The following CDK14 variants were observed in gnomAD, a reference collection of about 807,000 sequenced individuals.
CDK14 encodes the protein cyclin dependent kinase 14.
A neutral mutation model predicts 60.7 loss-of-function variants in CDK14; 34 were observed. That is an observed-to-expected ratio of 0.56 (90% CI 0.43 to 0.75). The LOEUF (loss-of-function observed/expected upper bound fraction) is 0.75. Among genes scored for constraint, CDK14 ranks in the 30% least tolerant of loss-of-function variants. CDK14 has a pLI of 0.00. For synonymous variants in CDK14, 197 were observed against 203.7 expected (o/e 0.97, Z 0.28); for missense variants, 482 against 564.1 (o/e 0.85, Z 1.47).
chr7:91,100,869 T>G (rs1799129854), intron 12 of CDK14, among the ~76,000 whole-genome samples: 1 of 152,216 alleles, frequency 6.6e-6, no homozygotes, highest in Admixed American at 6.5e-5. Context: ...TTCAAAAACT[T>G]GATTCATTTC....
Position 91,186,199 on chromosome 7 carries a change from TCCCC to T in CDK14, c.*29-20965_*29-20962del, listed in dbSNP as rs1421046890. Among the ~76,000 whole-genome samples, 4 of 4,402 alleles carry T rather than the reference TCCCC, an allele frequency of 9.1e-4. 1 individual carries two copies. The highest frequency in any genetic ancestry group is 1.4e-3 in the Non-Finnish European group (3 of 2,146). 2.9% of individuals were successfully genotyped at this position (4,402 alleles called of 152,430 possible). A position where few individuals can be genotyped will look rare whatever the true frequency, so the allele number is the denominator to read the frequency against. Reference sequence around the variant, plus strand: ...TCCCCTCCCCTCTCCTCTCCTCCCCTCCCCTCTCCTCTCCTCCCCTCCCCTCTCC... The same window carrying T: ...TCCCCTCCCCTCTCCTCTCCTCCCCTTCTCCTCTCCTCCCCTCCCCTCTCC... On this transcript the variant is annotated intron_variant, in intron 14 of 14. Coordinates refer to ENST00000380050, the MANE Select transcript of CDK14 (RefSeq NM_001287135.2).
In CDK14 at chr7:91,185,245, T is replaced by C. The variant is rs1044194185; in HGVS notation, c.*29-21920T>C. On this transcript the variant is annotated intron_variant, in intron 14 of 14. Transcript: ENST00000380050. ...TATTTAGAAAACTGTTGCCCTTCCC[T>C]TGGCCTTTCTCTATCCAATTCTACT... Among the ~76,000 whole-genome samples the C allele has an allele frequency of 2.0e-5, 3 of 151,660 alleles. No homozygotes were observed. The Admixed American group carries it at 2.0e-4, about 10-fold the overall frequency.
At chr7:90,791,840 G>A (rs1805843002) in intron 5 of CDK14, among the ~76,000 whole-genome samples, 2 of 151,514 alleles carry the variant, frequency 1.3e-5, no homozygotes, top group Admixed American at 1.3e-4. Context: ...CAAGTAGGTA[G>A]GTTTTTCTCT....
intron 11 of CDK14, among the ~76,000 whole-genome samples, chr7:91,074,965 C>T (rs911541661): frequency 6.6e-6 from 1 of 152,136 alleles, no homozygotes; most frequent in Non-Finnish European, 1.5e-5. Context: ...TCTGAATAGA[C>T]CAATAACAAG....
At chr7:90,866,342 G>A (rs960856522) in intron 6 of CDK14, among the ~76,000 whole-genome samples, 6 of 151,342 alleles carry the variant, frequency 4.0e-5, no homozygotes, top group South Asian at 2.1e-4. Flanking sequence ...TAATGATAAT[G>A]TTGCTGTATT....
intron 14 of CDK14, 42 bp from the exon 15 acceptor site, chr7:91,207,123 G>A (rs891181173): frequency 6.6e-6 from 1 of 152,014 alleles, no homozygotes; most frequent in African/African-American, 2.4e-5. Context: ...AATGAATGGT[G>A]TAGATTTTTT....
chr7:91,166,752 C>T lies in CDK14; in HGVS notation c.*29-40413C>T, dbSNP rs190427088. 3.9e-5 allele frequency among the ~76,000 whole-genome samples: 6 copies of T among 152,278 alleles called. No individual in the cohort carries two copies. In the East Asian group the frequency reaches 1.2e-3, roughly 29 times the overall value. On this transcript the variant is annotated intron_variant, in intron 14 of 14. Transcript: ENST00000380050. ...GTCATTCAGAGAATATACAACAGTT[C>T]TTCTGACTAGTCCCAACAACACAAC...
At chr7:90,813,850 C>G (rs1411028053) in intron 5 of CDK14, among the ~76,000 whole-genome samples, 2 of 152,074 alleles carry the variant, frequency 1.3e-5, no homozygotes, top group African/African-American at 4.8e-5. Context: ...TTGCAGAACT[C>G]TGTGTAGTTA....
chr7:90,890,011 G>A (rs1293246075), intron 6 of CDK14, among the ~76,000 whole-genome samples: 3 of 152,162 alleles, frequency 2.0e-5, no homozygotes, highest in Admixed American at 6.5e-5. Flanking sequence ...TTTTAATATA[G>A]CATTAAACCT....
intron 14 of CDK14, among the ~76,000 whole-genome samples, chr7:91,134,543 A>G (rs1800212917): frequency 6.6e-6 from 1 of 152,148 alleles, no homozygotes; most frequent in Non-Finnish European, 1.5e-5. Context: ...TGTAGTGCAG[A>G]GTGCAAATAA....
intron 14 of CDK14, among the ~76,000 whole-genome samples, chr7:91,175,487 T>G (rs1196891197): frequency 8.5e-5 from 13 of 152,058 alleles, no homozygotes; most frequent in African/African-American, 2.7e-4. Context: ...ATGGACTAAA[T>G]GCTCCAATTG....
intron 10 of CDK14, among the ~76,000 whole-genome samples, chr7:91,043,668 G>A (rs1434740996): frequency 6.6e-6 from 1 of 152,032 alleles, no homozygotes; most frequent in Non-Finnish European, 1.5e-5. Flanking sequence ...CTTCCCCTTC[G>A]TCATCCAGCC....
intron 5 of CDK14, among the ~76,000 whole-genome samples, chr7:90,842,706 T>G: frequency 6.6e-6 from 1 of 152,158 alleles, no homozygotes; most frequent in East Asian, 1.9e-4. Context: ...AAATAGCATC[T>G]TATAAGAAAA....
intron 8 of CDK14, among the ~76,000 whole-genome samples, chr7:90,954,432 T>C (rs1347193166): frequency 1.3e-5 from 2 of 152,092 alleles, no homozygotes; most frequent in Admixed American, 1.3e-4. Context: ...GATAGAAAGC[T>C]GTCACACAGG....
chr7:90,734,923 G>A (rs557338143), intron 3 of CDK14, among the ~76,000 whole-genome samples: 18 of 152,198 alleles, frequency 1.2e-4, no homozygotes, highest in Admixed American at 6.5e-4. Context: ...GCCTTTTTGC[G>A]CTGGTTTCTC....
At chr7:90,948,559 C>T (rs1055297691) in intron 8 of CDK14, among the ~76,000 whole-genome samples, 3 of 152,184 alleles carry the variant, frequency 2.0e-5, no homozygotes, top group Non-Finnish European at 4.4e-5. Context: ...CAAACTTTTT[C>T]TTACAGGGCC....
intron 14 of CDK14, among the ~76,000 whole-genome samples, chr7:91,146,288 A>G (rs1257057931): frequency 6.6e-6 from 1 of 152,018 alleles, no homozygotes; most frequent in Non-Finnish European, 1.5e-5. Context: ...GCAACCTCCA[A>G]CTCCCAGGTT....
chr7:90,760,319 A>C (rs1394050357), intron 4 of CDK14, among the ~76,000 whole-genome samples: 1 of 152,220 alleles, frequency 6.6e-6, no homozygotes, highest in Non-Finnish European at 1.5e-5. Context: ...TACTGCTTGC[A>C]CTAAAGGTCA....
chr7:90,797,115 CAATT>C (rs1171375634), intron 5 of CDK14, among the ~76,000 whole-genome samples: 1 of 151,770 alleles, frequency 6.6e-6, no homozygotes, highest in Non-Finnish European at 1.5e-5. Context: ...TAAGCCACCT[CAATT>C]AGTTTGCTAG....
Sources: allele counts gnomAD v4.1 joint callset (sites outside exome capture counted in the v4.1 genomes callset), GRCh38; gene constraint gnomAD v4.1.1; transcripts MANE v1.5; gene names NCBI Gene and HGNC (gene_info 2026-07-23, HGNC 2026-07-21).